IQGAP3: variants seen among roughly 807,000 people sequenced by gnomAD.
The protein encoded by IQGAP3 is ras GTPase-activating-like protein IQGAP3.
In IQGAP3, 165 loss-of-function variants were observed where a neutral mutation model predicts 208.2. The observed-to-expected ratio is 0.79, with a 90% CI of 0.70 to 0.90. IQGAP3 has a LOEUF of 0.90. Ranked by LOEUF, IQGAP3 falls within the 40% of genes least tolerant of loss-of-function variation. The probability of loss-of-function intolerance (pLI) is 0.00; values close to 1 mark genes in which losing one functional copy is unlikely to be tolerated. For missense variants in IQGAP3, 1,811 were observed against 2,043.1 expected, an observed-to-expected ratio of 0.89 and a Z score of 2.19; for synonymous variants, 703 against 803.6, an observed-to-expected ratio of 0.87 and a Z score of 2.12.
chr1:156,546,825 C>T (rs961762301), intron 19 of IQGAP3, among the ~76,000 whole-genome samples: 1 of 152,188 alleles, frequency 6.6e-6, no homozygotes. Flanking sequence ...AATCAAGGGC[C>T]ATTTGCCAGT....
At chr1:156,532,784 G>A (rs1221444172) in intron 32 of IQGAP3, among the ~76,000 whole-genome samples, 196 bp downstream of exon 32, 1 of 152,122 alleles carries the variant, frequency 6.6e-6, no homozygotes, top group African/African-American at 2.4e-5. Context: ...ACAACACAGA[G>A]CAAAAAGCTG....
At position 156,527,199 on chromosome 1, in the gene IQGAP3, G is replaced by A. The variant is rs535351621; in HGVS notation, c.4783-600C>T. On this transcript the variant is annotated intron_variant, in intron 37 of 37. Coordinates refer to ENST00000361170, the MANE Select transcript of IQGAP3 (RefSeq NM_178229.5). ...AGATTTGGATTAAAAACTACTGCTCGGCTGGGCATGGTGACTCATGCCTGT... is the reference window on the plus strand; with the variant it reads ...AGATTTGGATTAAAAACTACTGCTCAGCTGGGCATGGTGACTCATGCCTGT... Among the ~76,000 whole-genome samples the A allele has an allele frequency of 7.9e-5, 12 of 151,828 alleles. No individual in the cohort carries two copies. The South Asian group carries it at 1.5e-3, about 18-fold the overall frequency.
At chr1:156,543,918 C>T (rs1675104384) in intron 22 of IQGAP3, 63 bp downstream of exon 22, 2 of 1,433,280 alleles carry the variant, frequency 1.4e-6, no homozygotes, top group Non-Finnish European at 9.8e-7. Context: ...ATGTCTAGAC[C>T]TGCCTGGCTC....
In IQGAP3 at chr1:156,554,223, A is replaced by C; in HGVS notation, c.1448+12T>G. 1 of 1,597,906 alleles carries C rather than the reference A, an allele frequency of 6.3e-7. No homozygotes were observed. The highest frequency in any genetic ancestry group is 8.5e-7 in the Non-Finnish European group (1 of 1,173,312). ...ATCCCTCACTCCCAATGTGTGGCTA[A>C]GCCTTTCTCACCGCTGGGCATTTTC... is the stretch of plus-strand genomic sequence containing the variant. On this transcript the variant is annotated intron_variant, in intron 13 of 37. Coordinates refer to ENST00000361170, the MANE Select transcript of IQGAP3 (RefSeq NM_178229.5).
rs775784310 is a variant in IQGAP3, at chr1:156,539,024, C to T, written c.3066G>A (p.Val1022=). The T allele has an allele frequency of 6.2e-7, 1 of 1,613,468 alleles. No individual in the cohort carries two copies. The highest frequency in any genetic ancestry group is 1.1e-5 in the South Asian group (1 of 90,918). The change falls in exon 26 of 38, where the codon GTG becomes GTA. Residue 1022 remains valine (V), a synonymous_variant. Transcript: ENST00000361170. The part of the protein sequence containing the change: ...TALQEEIKSK[V]EQPQDVVTGN... ...CTGTCACCACGTCCTGGGGCTGCTC[C>T]ACCTTTGACCTGTGGTTTAAGAGGT...
chr1:156,546,352 C>T (rs1179346494), intron 19 of IQGAP3, among the ~76,000 whole-genome samples: 1 of 152,166 alleles, frequency 6.6e-6, no homozygotes, highest in African/African-American at 2.4e-5. Context: ...TTCTCTGTCT[C>T]CCAGGACCCA....
rs780695105 is a variant in IQGAP3 at position 156,560,943 on chromosome 1, C to A, written c.1120G>T (p.Glu374Ter). Residue 374 changes from glutamate (E) to a stop codon, truncating the protein, a stop_gained, in exon 11 of 38, where the codon GAA (glutamate) becomes TAA (stop). Coordinates refer to ENST00000361170, the MANE Select transcript of IQGAP3 (RefSeq NM_178229.5). LOFTEE classifies it high-confidence loss of function. ...VAAANTKGDQ[E>*]QAMLHAVQRI... ...CCTGCAGATGACTTACTGGCTTGTT[C>A]CTGATCACCCTTTGTGTTGGCTGCA... The A allele has an allele frequency of 1.2e-6, 2 of 1,613,024 alleles. No homozygotes were observed. The highest frequency in any genetic ancestry group is 4.5e-5 in the East Asian group (2 of 44,870).
At chr1:156,566,694 GC>G in intron 2 of IQGAP3, 148 bp from the exon 3 acceptor site, 1 of 744,270 alleles carries the variant, frequency 1.3e-6, no homozygotes, top group Non-Finnish European at 2.2e-6. Context: ...TCCCTTCTCT[GC>G]CCATTGCCTG....
intron 32 of IQGAP3, among the ~76,000 whole-genome samples, chr1:156,531,745 C>T (rs1405222230): frequency 6.6e-6 from 1 of 151,806 alleles, no homozygotes; most frequent in Non-Finnish European, 1.5e-5. Context: ...GCTGGGATTA[C>T]AGGTGCCTGC....
chr1:156,526,697 CA>C (rs1046481575), intron 37 of IQGAP3, 98 bp from the exon 38 acceptor site: 31 of 768,986 alleles, frequency 4.0e-5, no homozygotes, highest in Non-Finnish European at 6.6e-5. Context: ...CTTCTGCAGT[CA>C]CCAGTGGCAC....
intron 11 of IQGAP3, 82 bp from the exon 12 acceptor site, chr1:156,556,775 G>A: frequency 7.7e-7 from 1 of 1,292,816 alleles, no homozygotes; most frequent in Non-Finnish European, 1.0e-6. Context: ...GGCTCCGCCG[G>A]GGGATCTTGG....
chr1:156,545,970 G>A (rs778050867), intron 19 of IQGAP3, among the ~76,000 whole-genome samples: 42 of 152,092 alleles, frequency 2.8e-4, no homozygotes, highest in Admixed American at 4.6e-4. Flanking sequence ...AGGCTTACAC[G>A]GCCCCTCTGT....
intron 27 of IQGAP3, among the ~76,000 whole-genome samples, chr1:156,535,597 G>A (rs966541030): frequency 1.2e-4 from 19 of 152,148 alleles, no homozygotes; most frequent in African/African-American, 4.6e-4. Context: ...ATCCCCCAGA[G>A]GCACCATTAA....
chr1:156,541,602 G>A (rs1674987434), intron 22 of IQGAP3, among the ~76,000 whole-genome samples: 1 of 152,198 alleles, frequency 6.6e-6, no homozygotes, highest in Non-Finnish European at 1.5e-5. Context: ...AAGACCACCT[G>A]TGAGGTCAGT....
Position 156,526,389 on chromosome 1 carries a change from GAGCTCTA to G in IQGAP3, c.*90_*96del. 1.2e-6 allele frequency: 1 copy of G among 830,562 alleles called. No homozygotes were observed. Among genetic ancestry groups the G allele is most frequent in the Non-Finnish European group, 2.0e-6 (1 of 488,142 alleles). 51.4% of individuals were successfully genotyped at this position (830,562 alleles called of 1,614,324 possible). A position where few individuals can be genotyped will look rare whatever the true frequency, so the allele number is the denominator to read the frequency against. On this transcript the variant is annotated 3_prime_UTR_variant, in exon 38 of 38. Coordinates refer to ENST00000361170, the MANE Select transcript of IQGAP3 (RefSeq NM_178229.5). The stretch of plus-strand genomic sequence containing the variant: ...GAATCCCTGGGCCTTGCCCAGTCCT[GAGCTCTA>G]GGTGTCTGCAGGGAAGCACAGTGGT...
chr1:156,534,265 C>T (rs1053066648), intron 29 of IQGAP3, 124 bp from the exon 30 acceptor site: 5 of 1,424,826 alleles, frequency 3.5e-6, no homozygotes, highest in Non-Finnish European at 4.8e-6. Flanking sequence ...CCAGTCTCAG[C>T]TTCTGCCCTC....
intron 29 of IQGAP3, 42 bp downstream of exon 29, chr1:156,534,459 G>T: frequency 7.1e-7 from 1 of 1,408,910 alleles, no homozygotes; most frequent in Non-Finnish European, 9.7e-7. Context: ...TCAAAGGTGA[G>T]AAGAGGGAAG....
chr1:156,556,246 G>A (rs538220385), intron 12 of IQGAP3, among the ~76,000 whole-genome samples: 1 of 152,248 alleles, frequency 6.6e-6, no homozygotes, highest in Non-Finnish European at 1.5e-5. Flanking sequence ...ACTCACAGCT[G>A]TGTTGGGCAA....
At chr1:156,545,820 T>A (rs1016156415) in intron 19 of IQGAP3, among the ~76,000 whole-genome samples, 1 of 152,154 alleles carries the variant, frequency 6.6e-6, no homozygotes, top group Non-Finnish European at 1.5e-5. Flanking sequence ...TTAGGCCCCA[T>A]GTCCAGCATC....
Sources: gnomAD v4.1 joint callset for allele counts (sites outside exome capture counted in the v4.1 genomes callset) on GRCh38, gnomAD v4.1.1 for gene constraint, MANE v1.5 for transcripts, NCBI Gene and HGNC (gene_info 2026-07-23, HGNC 2026-07-21) for gene names.